IDUA: variants seen among roughly 807,000 people sequenced by gnomAD.
IDUA encodes alpha-L-iduronidase.
A neutral mutation model predicts 68.9 loss-of-function variants in IDUA; 65 were observed. The observed-to-expected ratio is 0.94, with a 90% CI of 0.77 to 1.16. The LOEUF is 1.16. IDUA is among the 50% of genes most tolerant of loss of function. The pLI is 0.00. For missense variants in IDUA, 1,046 were observed against 938.0 expected (o/e 1.12, Z -1.50); for synonymous variants, 529 against 433.6 (o/e 1.22, Z -2.73).
chr4:991,082 G>C lies in IDUA; in HGVS notation c.299+3133G>C, dbSNP rs2290401. The C allele has an allele frequency of 0.16, 232,955 of 1,502,420 alleles. 19,475 individuals carry two copies. Among genetic ancestry groups the C allele is most frequent in the East Asian group, 0.23 (10,140 of 43,504 alleles). 93.1% of individuals were successfully genotyped at this position (1,502,420 alleles called of 1,614,324 possible). The stretch of plus-strand genomic sequence containing the variant: ...CCCTCGTGGATGGCCAAAACCTAAG[G>C]GGGGGTGCCCTGGGCCCCTCCCTGT... On this transcript the variant is annotated intron_variant, in intron 2 of 13. Coordinates refer to ENST00000514224, the MANE Select transcript of IDUA (RefSeq NM_000203.5).
intron 2 of IDUA, among the ~76,000 whole-genome samples, chr4:997,866 G>A (rs914502226): frequency 1.2e-4 from 19 of 152,228 alleles, no homozygotes; most frequent in Non-Finnish European, 1.6e-4. Flanking sequence ...GACACTCAGA[G>A]GCGCCTTGGG....
chr4:997,187 G>A (rs1174124984), intron 2 of IDUA, among the ~76,000 whole-genome samples: 1 of 152,102 alleles, frequency 6.6e-6, no homozygotes, highest in African/African-American at 2.4e-5. Context: ...GGCGAGCTCC[G>A]AGGTCTGGAG....
At position 1,002,302 on chromosome 4, in the gene IDUA, A is replaced by T; in HGVS notation, c.1006A>T (p.Asn336Tyr). ...IAQHQNLLLA[N>Y]TTSAFPYALL... ...GCAGCATCAGAACCTGCTACTGGCC[A>T]ACACCACCTCCGCCTTCCCCTACGC... The change falls in exon 8 of 14, where the codon AAC becomes TAC. Residue 336 changes from asparagine to tyrosine, a missense_variant. Asn to Tyr is a moderately radical substitution (Grantham distance 143). Transcript: ENST00000514224. 1 of 1,612,864 alleles carries T rather than the reference A, an allele frequency of 6.2e-7. No individual in the cohort carries two copies. Among genetic ancestry groups the T allele is most frequent in the Non-Finnish European group, 8.5e-7 (1 of 1,179,616 alleles).
At chr4:995,514 G>A (rs1006695323) in intron 2 of IDUA, among the ~76,000 whole-genome samples, 5 of 152,230 alleles carry the variant, frequency 3.3e-5, no homozygotes, top group Admixed American at 6.5e-5. Context: ...AGGAGGCTGC[G>A]GTGGGTCCCT....
At chr4:996,644 G>A (rs1714758343) in intron 2 of IDUA, among the ~76,000 whole-genome samples, 1 of 152,204 alleles carries the variant, frequency 6.6e-6, no homozygotes, top group Non-Finnish European at 1.5e-5. Context: ...TGCCCTTTTA[G>A]TCCCCACCTA....
chr4:987,583 C>T, intron 1 of IDUA: 3 of 1,390,060 alleles, frequency 2.2e-6, no homozygotes, highest in Non-Finnish European at 2.8e-6. Flanking sequence ...CCTGGCAGGG[C>T]CAGGGCCAGG....
chr4:1,002,521 C>G (rs1715158867), intron 8 of IDUA, 36 bp downstream of exon 8: 2 of 1,452,858 alleles, frequency 1.4e-6, no homozygotes, highest in Non-Finnish European at 9.0e-7. Flanking sequence ...CGGCCAGGGC[C>G]CTCCAGGCTG....
chr4:1,003,724 C>T, intron 12 of IDUA, 99 bp downstream of exon 12: 1 of 1,323,508 alleles, frequency 7.6e-7, no homozygotes, highest in South Asian at 1.2e-5. Context: ...CTTGCCGTGG[C>T]CCATCGGCTC....
rs374084898 is a variant in IDUA, at chr4:990,042, G to A, written c.299+2093G>A. 39 of 1,599,534 alleles carry A rather than the reference G, an allele frequency of 2.4e-5. No homozygotes were observed. Among genetic ancestry groups the A allele is most frequent in the East Asian group, 2.0e-4 (9 of 44,250 alleles). ...AGTGCGACACGAGTGTGGCCACCAC[G>A]ATGACCAGCAGCTCCGTGGGCAGCG... On this transcript the variant is annotated intron_variant, in intron 2 of 13. Transcript: ENST00000514224.
intron 2 of IDUA, among the ~76,000 whole-genome samples, chr4:998,443 G>A (rs1465311982): frequency 6.6e-6 from 1 of 152,140 alleles, no homozygotes; most frequent in Non-Finnish European, 1.5e-5. Context: ...CACCACTGCA[G>A]ATGCGGCACA....
At chr4:988,528 C>A in intron 2 of IDUA, 1 of 1,212,612 alleles carries the variant, frequency 8.2e-7, no homozygotes, top group Non-Finnish European at 1.0e-6. Flanking sequence ...AATAAGATGT[C>A]AACCCTGAGC....
At chr4:995,885 G>C (rs1221597975) in intron 2 of IDUA, among the ~76,000 whole-genome samples, 1 of 152,224 alleles carries the variant, frequency 6.6e-6, no homozygotes, top group Non-Finnish European at 1.5e-5. Context: ...TGGCCAGAGA[G>C]TAGGAGACAT....
upstream of IDUA, chr4:987,010 C>T (rs1577506578): frequency 1.6e-6 from 2 of 1,223,876 alleles, no homozygotes; most frequent in South Asian, 1.3e-5. Context: ...ACATGGGGTG[C>T]GCGCCCAGAC....
Position 1,004,282 on chromosome 4 carries a change from C to T in IDUA, c.1851C>T (p.Ser617=). 6.2e-7 allele frequency: 1 copy of T among 1,610,620 alleles called. No individual in the cohort carries two copies. The highest frequency in any genetic ancestry group is 8.5e-7 in the Non-Finnish European group (1 of 1,179,960). Residue 617 remains serine, a synonymous_variant, in exon 14 of 14, where the codon TCC becomes TCT. Coordinates refer to ENST00000514224, the MANE Select transcript of IDUA (RefSeq NM_000203.5). This position sits in a 1 kb window ranked among gnomAD's most constrained non-coding sequence, Gnocchi z 5.0. ...CAGACACAGGTGCTGTCTCTGGCTCCTACCGAGTTCGAGCCCTGGACTACT... is the reference window on the plus strand; with the variant it reads ...CAGACACAGGTGCTGTCTCTGGCTCTTACCGAGTTCGAGCCCTGGACTACT... ...FSPDTGAVSG[S]YRVRALDYWA...
At chr4:990,394 G>A (rs185729198) in intron 2 of IDUA, 139 of 1,541,190 alleles carry the variant, frequency 9.0e-5, no homozygotes, top group East Asian at 1.4e-4. Context: ...GCCAGCAGGC[G>A]CCTGGCGGGA....
At chr4:988,308 T>C (rs890263432) in intron 2 of IDUA, 52 of 1,110,148 alleles carry the variant, frequency 4.7e-5, no homozygotes, top group Non-Finnish European at 5.2e-5. Context: ...CCCTGGGCCC[T>C]GACGCTGGTG....
intron 2 of IDUA, chr4:989,301 C>T (rs1357141647): frequency 6.2e-7 from 1 of 1,612,350 alleles, no homozygotes; most frequent in Non-Finnish European, 8.5e-7. Flanking sequence ...TGGCATAGTA[C>T]AGCGGCCCCC....
chr4:1,003,727 ATCGGCTCCCTCCC>A, intron 12 of IDUA, 102 bp downstream of exon 12: 2 of 1,312,956 alleles, frequency 1.5e-6, no homozygotes, highest in Non-Finnish European at 2.2e-6. Flanking sequence ...GCCGTGGCCC[ATCGGCTCCCTCCC>A]TCGCCGCCCT....
At chr4:998,121 G>C (rs1714853837) in intron 2 of IDUA, among the ~76,000 whole-genome samples, 1 of 152,218 alleles carries the variant, frequency 6.6e-6, no homozygotes, top group Admixed American at 6.5e-5. Flanking sequence ...TTTGGATGGA[G>C]GGGAGGAGAG....
Sources: gnomAD v4.1 joint callset for allele counts (sites outside exome capture counted in the v4.1 genomes callset) on GRCh38, gnomAD v4.1.1 for gene constraint, Gnocchi (gnomAD v3.1) non-coding constraint, MANE v1.5 for transcripts, NCBI Gene and HGNC (gene_info 2026-07-23, HGNC 2026-07-21) for gene names.